TRPM6: variants seen among roughly 807,000 people sequenced by gnomAD.
TRPM6 encodes the protein transient receptor potential cation channel subfamily M member 6.
In TRPM6, 111 loss-of-function variants were observed where a neutral mutation model predicts 247.6. The ratio of observed to expected loss-of-function variants is 0.45; its 90% CI spans 0.38 to 0.52. TRPM6 has a LOEUF of 0.52. Ranked by LOEUF, TRPM6 falls within the 20% of genes least tolerant of loss-of-function variation. The pLI is 0.00. For missense variants in TRPM6, 2,126 were observed against 2,421.5 expected (o/e 0.88, Z 2.56); for synonymous variants, 892 against 853.8 (o/e 1.04, Z -0.78).
At chr9:74,757,250 AAAGAAAT>A (rs1264911398) in intron 27 of TRPM6, among the ~76,000 whole-genome samples, 2 of 152,014 alleles carry the variant, frequency 1.3e-5, no homozygotes, top group African/African-American at 4.8e-5. Context: ...AAATAGAACA[AAAGAAAT>A]AATAAAGATA....
intron 3 of TRPM6, among the ~76,000 whole-genome samples, chr9:74,847,886 T>A (rs1158515766): frequency 6.6e-6 from 1 of 152,172 alleles, no homozygotes; most frequent in African/African-American, 2.4e-5. Flanking sequence ...TAGTTCTCCC[T>A]TACCTTCAGG....
chr9:74,724,776 G>C (rs777003239), intron 38 of TRPM6, 30 bp from the exon 39 acceptor site: 1 of 1,613,868 alleles, frequency 6.2e-7, no homozygotes, highest in Non-Finnish European at 8.5e-7. Context: ...AAAGGTTATA[G>C]TGGAACCCCA....
intron 27 of TRPM6, among the ~76,000 whole-genome samples, chr9:74,757,243 T>A (rs1175048405): frequency 1.4e-5 from 2 of 147,748 alleles, no homozygotes; most frequent in Non-Finnish European, 3.0e-5. Flanking sequence ...CCAAAGTAAA[T>A]AGAACAAAAG....
intron 3 of TRPM6, among the ~76,000 whole-genome samples, chr9:74,848,407 GA>G (rs1221354424): frequency 6.6e-6 from 1 of 152,176 alleles, no homozygotes; most frequent in Non-Finnish European, 1.5e-5. Context: ...CTGGACAAAG[GA>G]ATGATTCGTG....
chr9:74,806,990 C>G (rs756469720), intron 14 of TRPM6, among the ~76,000 whole-genome samples: 2 of 152,222 alleles, frequency 1.3e-5, no homozygotes, highest in African/African-American at 4.8e-5. Flanking sequence ...AGTCCTCCTA[C>G]TTGTCACTGG....
chr9:74,802,261 A>AT (rs1564021874), intron 15 of TRPM6, 86 bp from the exon 16 acceptor site: 23 of 1,253,768 alleles, frequency 1.8e-5, no homozygotes, highest in African/African-American at 4.5e-5. Flanking sequence ...TGTCCTAGAG[A>AT]TTTTTTTTAA....
intron 19 of TRPM6, among the ~76,000 whole-genome samples, chr9:74,789,932 G>A (rs1827838271): frequency 7.7e-6 from 1 of 129,240 alleles, no homozygotes; most frequent in Admixed American, 1.0e-4. Context: ...TTGCACTCCA[G>A]CCTGGGTGAC....
intron 27 of TRPM6, among the ~76,000 whole-genome samples, chr9:74,760,435 C>A (rs187861200): frequency 6.6e-6 from 1 of 152,278 alleles, no homozygotes; most frequent in African/African-American, 2.4e-5. Flanking sequence ...ACAGACTAGG[C>A]ATGTGGTAGG....
At chr9:74,731,104 G>A (rs1262791949) in intron 37 of TRPM6, among the ~76,000 whole-genome samples, 1 of 152,080 alleles carries the variant, frequency 6.6e-6, no homozygotes, top group Non-Finnish European at 1.5e-5. Flanking sequence ...AGAAATTGAG[G>A]CCCACTGGCC....
chr9:74,811,051 T>C (rs1828712567), intron 12 of TRPM6, among the ~76,000 whole-genome samples, 183 bp from the exon 13 acceptor site: 1 of 152,224 alleles, frequency 6.6e-6, no homozygotes, highest in Non-Finnish European at 1.5e-5. Context: ...TGTATTTATA[T>C]GAAATATTTT....
chr9:74,781,158 G>A (rs897266432), intron 23 of TRPM6, among the ~76,000 whole-genome samples: 3 of 152,026 alleles, frequency 2.0e-5, no homozygotes, highest in South Asian at 2.1e-4. Flanking sequence ...AGGCAGGTCC[G>A]GGCTCAGGGA....
chr9:74,828,013 C>G, intron 6 of TRPM6, 64 bp from the exon 7 acceptor site: 1 of 1,526,986 alleles, frequency 6.5e-7, no homozygotes, highest in South Asian at 1.1e-5. Flanking sequence ...TCACCTGCTC[C>G]AAAGGCCTAT....
chr9:74,877,471 C>T (rs758095662), intron 1 of TRPM6, among the ~76,000 whole-genome samples: 27 of 152,258 alleles, frequency 1.8e-4, no homozygotes, highest in Middle Eastern at 6.8e-3. Flanking sequence ...CTGAGTTCCA[C>T]GCACACTATG....
At chr9:74,781,100 G>C (rs1313200938) in intron 23 of TRPM6, among the ~76,000 whole-genome samples, 1 of 152,084 alleles carries the variant, frequency 6.6e-6, no homozygotes, top group African/African-American at 2.4e-5. Flanking sequence ...GTGTGCTCAG[G>C]ATATACAGGA....
At chr9:74,785,680 G>A (rs1417041525) in intron 21 of TRPM6, among the ~76,000 whole-genome samples, 194 bp downstream of exon 21, 1 of 152,182 alleles carries the variant, frequency 6.6e-6, no homozygotes, top group East Asian at 1.9e-4. Flanking sequence ...CCACCACCAT[G>A]CCCGGCTAAT....
At chr9:74,825,826 T>G (rs186062261) in intron 7 of TRPM6, among the ~76,000 whole-genome samples, 8 of 152,096 alleles carry the variant, frequency 5.3e-5, no homozygotes, top group Admixed American at 2.0e-4. Flanking sequence ...AGGTAATATT[T>G]CAGGCCCCTA....
rs143314688 is a variant in TRPM6, at chr9:74,802,659, C to T, written c.1732-484G>A. Among the ~76,000 whole-genome samples, 6 of 152,322 alleles carry T rather than the reference C, an allele frequency of 3.9e-5. No homozygotes were observed. The East Asian group carries it at 1.2e-3, about 29-fold the overall frequency. ...ATGTATTTTTAAAAAGCTCTAACCT[C>T]ACTTAGCAAATAGATTCATTATCTT... On this transcript the variant is annotated intron_variant, in intron 15 of 38. Transcript: ENST00000360774.
rs1036573555 is a variant in TRPM6, at chr9:74,723,893, A to T, written c.*720T>A. 3.3e-4 allele frequency: 47 copies of T among 143,972 alleles called. No individual in the cohort carries two copies. Among genetic ancestry groups the T allele is most frequent in the African/African-American group, 8.9e-4 (35 of 39,358 alleles). The allele number at this position is 143,972 out of a possible 1,614,324, so 8.9% of individuals were successfully genotyped here. On this transcript the variant is annotated 3_prime_UTR_variant, in exon 39 of 39. Transcript: ENST00000360774. ...ATATTCCATATATATTATATATATAAAAATATATATAATATACATATTCCA... is the reference window on the plus strand; with the variant it reads ...ATATTCCATATATATTATATATATATAAATATATATAATATACATATTCCA...
rs1827783474 is a variant in TRPM6, at chr9:74,788,679, G to A, written c.2602C>T (p.Pro868Ser). The A allele has an allele frequency of 2.5e-6, 4 of 1,613,964 alleles. No homozygotes were observed. Among genetic ancestry groups the A allele is most frequent in the Non-Finnish European group, 2.5e-6 (3 of 1,179,976 alleles). The change falls in exon 20 of 39, where the codon CCC becomes TCC. Residue 868 changes from proline (P) to serine (S), a missense_variant. Pro to Ser is a moderately conservative substitution (Grantham distance 74). Transcript: ENST00000360774. ...CTAACAAGCCACTCCTGCACGCTGG[G>A]CTGGGGCTGCATCTCCACCAACACG... ...YTVLVEMQPQ[P>S]SVQEWLVSIY...
Sources: gnomAD v4.1 joint callset for allele counts (sites outside exome capture counted in the v4.1 genomes callset) on GRCh38, gnomAD v4.1.1 for gene constraint, MANE v1.5 for transcripts, NCBI Gene and HGNC (gene_info 2026-07-23, HGNC 2026-07-21) for gene names.